PTPRM: variants seen among roughly 807,000 people sequenced by gnomAD.
The protein encoded by PTPRM is protein tyrosine phosphatase receptor type M, also known as receptor-type tyrosine-protein phosphatase mu.
In PTPRM, 47 loss-of-function variants were observed where a neutral mutation model predicts 186.7. The observed-to-expected ratio is 0.25, with a 90% CI of 0.20 to 0.32. The LOEUF is 0.32. Among genes scored for constraint, PTPRM ranks in the 10% least tolerant of loss-of-function variants. The pLI is 1.00. For synonymous variants in PTPRM, 668 were observed against 674.9 expected (o/e 0.99, Z 0.16); for missense variants, 1,494 against 1,865.0 (o/e 0.80, Z 3.66).
intron 14 of PTPRM, among the ~76,000 whole-genome samples, chr18:8,217,739 C>T (rs1013345868): frequency 7.9e-5 from 12 of 152,116 alleles, no homozygotes. Context: ...CCCAGTGAGG[C>T]TTTGTGTTGT....
chr18:7,987,992 C>T (rs994147663), intron 7 of PTPRM, among the ~76,000 whole-genome samples: 1 of 122,586 alleles, frequency 8.2e-6, no homozygotes, highest in Non-Finnish European at 1.6e-5. Context: ...GCCTGGACAA[C>T]ATAGTGAGAC....
intron 14 of PTPRM, among the ~76,000 whole-genome samples, chr18:8,196,791 T>C (rs576855940): frequency 3.3e-5 from 5 of 152,274 alleles, no homozygotes; most frequent in Non-Finnish European, 7.4e-5. Flanking sequence ...TGAGCTTGGG[T>C]TAGAAGTCAC....
chr18:7,610,757 G>T (rs996330402), intron 1 of PTPRM, among the ~76,000 whole-genome samples: 1 of 152,226 alleles, frequency 6.6e-6, no homozygotes, highest in African/African-American at 2.4e-5. Context: ...ATTCTGTTCA[G>T]CACATGATTC....
chr18:7,707,472 A>G (rs191967575), intron 1 of PTPRM, among the ~76,000 whole-genome samples: 1 of 151,782 alleles, frequency 6.6e-6, no homozygotes, highest in Non-Finnish European at 1.5e-5. Flanking sequence ...CTCTAAAATA[A>G]TAATAATAAT....
intron 1 of PTPRM, among the ~76,000 whole-genome samples, chr18:7,583,091 A>C (rs148441923): frequency 6.6e-6 from 1 of 152,348 alleles, no homozygotes; most frequent in East Asian, 1.9e-4. Context: ...AGCCTTGAGC[A>C]ATAACCTTGC....
chr18:8,161,389 G>C (rs889045631), intron 14 of PTPRM, among the ~76,000 whole-genome samples: 4 of 152,208 alleles, frequency 2.6e-5, no homozygotes, highest in Admixed American at 1.3e-4. Context: ...AACTGCCTAG[G>C]GGGGCCAGTA....
chr18:7,894,981 G>C (rs925770643), intron 3 of PTPRM, among the ~76,000 whole-genome samples: 1 of 152,194 alleles, frequency 6.6e-6, no homozygotes, highest in Non-Finnish European at 1.5e-5. Flanking sequence ...CTAGTAAGTA[G>C]TTTTGATATG....
chr18:8,234,528 A>G (rs1310254734), intron 14 of PTPRM, among the ~76,000 whole-genome samples: 1 of 152,156 alleles, frequency 6.6e-6, no homozygotes, highest in Non-Finnish European at 1.5e-5. Flanking sequence ...TCATCTGTGA[A>G]CAAAGAGCGT....
intron 1 of PTPRM, among the ~76,000 whole-genome samples, chr18:7,724,885 A>G (rs1346489215): frequency 6.6e-6 from 1 of 152,170 alleles, no homozygotes; most frequent in African/African-American, 2.4e-5. Context: ...TAAGTGTTGT[A>G]TTACAATGTT....
At chr18:7,793,292 G>A (rs983949410) in intron 2 of PTPRM, among the ~76,000 whole-genome samples, 7 of 152,094 alleles carry the variant, frequency 4.6e-5, no homozygotes, top group African/African-American at 7.2e-5. Flanking sequence ...TCTGAGCCTC[G>A]GTTTATTCGT....
intron 13 of PTPRM, among the ~76,000 whole-genome samples, chr18:8,125,990 TATATATATATATATATATATATATATATA>T (rs1395967271): frequency 4.0e-4 from 4 of 9,976 alleles, no homozygotes; most frequent in African/African-American, 9.2e-4. Flanking sequence ...TATATATATA[TATATATATATATATATATATATATATATA>T]TATATATATT....
At chr18:7,784,599 A>G (rs1452339582) in intron 2 of PTPRM, among the ~76,000 whole-genome samples, 2 of 152,218 alleles carry the variant, frequency 1.3e-5, no homozygotes, top group African/African-American at 2.4e-5. Context: ...ACTATGTTTC[A>G]GCTTTTTATA....
At chr18:8,288,731 G>A (rs961000791) in intron 19 of PTPRM, among the ~76,000 whole-genome samples, 22 of 152,148 alleles carry the variant, frequency 1.4e-4, no homozygotes, top group African/African-American at 3.1e-4. Context: ...CTGCTCCAGT[G>A]CTCTTGAGGG....
At chr18:7,864,678 A>G (rs2047583005) in intron 2 of PTPRM, among the ~76,000 whole-genome samples, 1 of 152,110 alleles carries the variant, frequency 6.6e-6, no homozygotes, top group Non-Finnish European at 1.5e-5. Context: ...TTGGATATGC[A>G]GGCTCTTTTT....
intron 7 of PTPRM, among the ~76,000 whole-genome samples, chr18:8,012,706 T>C (rs538664368): frequency 6.6e-6 from 1 of 152,330 alleles, no homozygotes; most frequent in East Asian, 1.9e-4. Context: ...TACCATCTCA[T>C]TTGAGACCAC....
chr18:8,295,923 T>C (rs1292823265), intron 19 of PTPRM, among the ~76,000 whole-genome samples: 1 of 152,234 alleles, frequency 6.6e-6, no homozygotes, highest in East Asian at 1.9e-4. Context: ...TCAGCTTACC[T>C]ACTCTCATGT....
rs192868596 is a variant in PTPRM at position 8,376,234 on chromosome 18, G to A, written c.3326+34G>A. 856 of 1,600,520 alleles carry A rather than the reference G, an allele frequency of 5.3e-4. 1 individual carries two copies. Among genetic ancestry groups the A allele is most frequent in the Admixed American group, 1.2e-3 (73 of 59,678 alleles). ...AGCTCCAGAGCCTCTTGAAGGAAAC[G>A]CAGTGGGTGATGGGTGCAGGGCCAC... On this transcript the variant is annotated intron_variant, in intron 25 of 32. Coordinates refer to ENST00000580170, the MANE Select transcript of PTPRM (RefSeq NM_001105244.2).
chr18:7,921,419 C>T (rs575692154), intron 4 of PTPRM, among the ~76,000 whole-genome samples: 54 of 146,764 alleles, frequency 3.7e-4, no homozygotes, highest in African/African-American at 1.3e-3. Flanking sequence ...CTTGCTCTGT[C>T]GCCCAGGCTG....
intron 1 of PTPRM, among the ~76,000 whole-genome samples, chr18:7,750,585 C>T (rs2144611667): frequency 6.6e-6 from 1 of 152,282 alleles, no homozygotes; most frequent in South Asian, 2.1e-4. Context: ...CCCTCCAACG[C>T]TCCAAAATCT....
Sources: gnomAD v4.1 joint callset for allele counts (sites outside exome capture counted in the v4.1 genomes callset) on GRCh38, gnomAD v4.1.1 for gene constraint, MANE v1.5 for transcripts, NCBI Gene and HGNC (gene_info 2026-07-23, HGNC 2026-07-21) for gene names.